The following SOX6 variants were observed in gnomAD, a reference collection of about 807,000 sequenced individuals.
SOX6 encodes the protein SRY-box transcription factor 6, also known as transcription factor SOX-6.
Under a neutral mutation model 97.8 loss-of-function variants are expected in SOX6, and 11 were observed. That is an observed-to-expected ratio of 0.11 (90% CI 0.07 to 0.19). The LOEUF is 0.19. SOX6 is among the 10% of genes least tolerant of loss of function. The pLI is 1.00. For synonymous variants in SOX6, 360 were observed against 371.4 expected (o/e 0.97, Z 0.35); for missense variants, 810 against 1,039.5 (o/e 0.78, Z 3.04).
chr11:16,659,070 A>G lies in SOX6; in HGVS notation n.430-46810T>C, dbSNP rs771008569. 6.8e-4 allele frequency among the ~76,000 whole-genome samples: 104 copies of G among 152,146 alleles called. 1 individual carries two copies. Among genetic ancestry groups the G allele is most frequent in the Non-Finnish European group, 1.2e-3 (81 of 68,022 alleles). ...AGTTCAGCTTAACAATTTTCCTCTC[A>G]TGGACTCTGCTTTTTGGTGCTGTAT... On this transcript the variant is annotated intron_variant and non_coding_transcript_variant, in intron 3 of 5. Coordinates refer to the SOX6 transcript ENST00000524520.
intron 13 of SOX6, among the ~76,000 whole-genome samples, chr11:16,001,393 T>C (rs1477975961): frequency 2.0e-5 from 3 of 152,144 alleles, no homozygotes; most frequent in Non-Finnish European, 4.4e-5. Flanking sequence ...ACCCACTTTA[T>C]GGATGAGGAA....
At chr11:16,445,359 A>G (rs2133090127) in intron 1 of SOX6, among the ~76,000 whole-genome samples, 1 of 152,250 alleles carries the variant, frequency 6.6e-6, no homozygotes, top group Non-Finnish European at 1.5e-5. Flanking sequence ...CTAATGCTTT[A>G]ATTTCTTGTT....
Position 16,610,336 on chromosome 11 carries a change from G to A in SOX6, n.609+1745C>T, listed in dbSNP as rs1427748279. Among the ~76,000 whole-genome samples the A allele has an allele frequency of 6.6e-6, 1 of 152,200 alleles. No homozygotes were observed. The highest frequency in any genetic ancestry group is 1.5e-5 in the Non-Finnish European group (1 of 68,034). On this transcript the variant is annotated intron_variant and non_coding_transcript_variant, in intron 4 of 5. Transcript: ENST00000524520. This position sits in a 1 kb window ranked among gnomAD's most constrained non-coding sequence, Gnocchi z 4.4. ...ATTAGGGACGGAAAGGCTGGAGCGC[G>A]ACTGGGTTCCTCCAATTTGCTGCGA...
chr11:16,687,156 A>G (rs1373842798), intron 3 of SOX6, among the ~76,000 whole-genome samples: 1 of 152,178 alleles, frequency 6.6e-6, no homozygotes, highest in East Asian at 1.9e-4. Context: ...CTTGAGACTG[A>G]GTAATTTAAA....
At chr11:16,650,015 C>T (rs2134012461) in intron 3 of SOX6, among the ~76,000 whole-genome samples, 1 of 152,062 alleles carries the variant, frequency 6.6e-6, no homozygotes, top group Non-Finnish European at 1.5e-5. Context: ...GGCTTTAAAG[C>T]AACAACAGTA....
rs543052968 is a variant in SOX6, at chr11:16,466,661, T to C, written c.-5+9654A>G. ...AACAAACAACTCCGGCCGGGCGCGG[T>C]GGCTCACGCCTGTAATCCCAGCACT... On this transcript the variant is annotated intron_variant, in intron 1 of 15. Transcript: ENST00000396356. Among the ~76,000 whole-genome samples, 5 of 148,934 alleles carry C rather than the reference T, an allele frequency of 3.4e-5. No homozygotes were observed. In the South Asian group the frequency reaches 1.0e-3, roughly 31 times the overall value.
At chr11:16,367,751 T>C (rs999472865) in intron 1 of SOX6, among the ~76,000 whole-genome samples, 2 of 152,138 alleles carry the variant, frequency 1.3e-5, no homozygotes, top group African/African-American at 4.8e-5. Context: ...ATGGCTAAAA[T>C]TTCCAAAGGA....
Position 15,998,791 on chromosome 11 carries a change from A to G in SOX6, c.1733-9561T>C, listed in dbSNP as rs180960285. 7.2e-4 allele frequency among the ~76,000 whole-genome samples: 109 copies of G among 152,260 alleles called. 1 individual carries two copies. The highest frequency in any genetic ancestry group is 1.2e-3 in the Non-Finnish European group (79 of 67,982). On this transcript the variant is annotated intron_variant, in intron 13 of 15. Transcript: ENST00000683767. The stretch of plus-strand genomic sequence containing the variant: ...ATACAACAATTAGAGATGAATCATG[A>G]CTTAAATCAAGAAAGAAAAAACTAT...
intron 3 of SOX6, among the ~76,000 whole-genome samples, chr11:16,672,161 A>G (rs1416638336): frequency 1.3e-5 from 2 of 152,204 alleles, no homozygotes; most frequent in Non-Finnish European, 2.9e-5. Context: ...CTAAATATAG[A>G]AAGGAAAGAA....
At chr11:15,999,200 T>C (rs1287124727) in intron 13 of SOX6, among the ~76,000 whole-genome samples, 1 of 152,266 alleles carries the variant, frequency 6.6e-6, no homozygotes, top group South Asian at 2.1e-4. Context: ...CACAATGAGA[T>C]GCATTTCACT....
intron 3 of SOX6, among the ~76,000 whole-genome samples, chr11:16,279,334 C>T (rs1275149658): frequency 6.6e-6 from 1 of 151,996 alleles, no homozygotes; most frequent in East Asian, 1.9e-4. Context: ...CTCATTTTAA[C>T]CTATACAAGG....
intron 11 of SOX6, 157 bp downstream of exon 11, chr11:16,049,598 A>G: frequency 1.2e-6 from 1 of 849,848 alleles, no homozygotes; most frequent in Non-Finnish European, 1.9e-6. Context: ...TTCTAATAAA[A>G]GAAGATACTA....
chr11:16,215,599 G>A (rs1262658444), intron 4 of SOX6, among the ~76,000 whole-genome samples: 4 of 152,084 alleles, frequency 2.6e-5, no homozygotes, highest in Non-Finnish European at 4.4e-5. Flanking sequence ...TTGCGTTGTA[G>A]ATCACATTAT....
chr11:16,346,472 A>T (rs773943298), intron 1 of SOX6, among the ~76,000 whole-genome samples: 14 of 152,030 alleles, frequency 9.2e-5, no homozygotes, highest in Non-Finnish European at 1.8e-4. Flanking sequence ...CTTTTAAAAC[A>T]TTCCTCAATT....
At chr11:16,394,701 G>A (rs1590183312) in intron 1 of SOX6, among the ~76,000 whole-genome samples, 1 of 151,796 alleles carries the variant, frequency 6.6e-6, no homozygotes, top group East Asian at 1.9e-4. Flanking sequence ...CCTTCCATGT[G>A]GTCTCATGGC....
chr11:16,464,087 C>T (rs1016098612), intron 1 of SOX6, among the ~76,000 whole-genome samples: 2 of 152,132 alleles, frequency 1.3e-5, no homozygotes, highest in South Asian at 4.1e-4. Context: ...TTAAAATTCT[C>T]CTTTTAAGAT....
At chr11:16,266,206 G>C (rs1322045332) in intron 3 of SOX6, among the ~76,000 whole-genome samples, 2 of 151,618 alleles carry the variant, frequency 1.3e-5, no homozygotes, top group South Asian at 2.1e-4. Context: ...TATTGTAGAG[G>C]AACTAAAATC....
intron 13 of SOX6, among the ~76,000 whole-genome samples, chr11:16,009,043 A>C (rs1245475979): frequency 6.6e-6 from 1 of 152,042 alleles, no homozygotes; most frequent in Non-Finnish European, 1.5e-5. Context: ...ATGGAAAGCC[A>C]GACCCATATG....
At chr11:16,348,272 T>G (rs1448169608) in intron 1 of SOX6, among the ~76,000 whole-genome samples, 1 of 152,132 alleles carries the variant, frequency 6.6e-6, no homozygotes, top group Non-Finnish European at 1.5e-5. Context: ...GTACTGTGAG[T>G]TAGTGTTACC....
Sources: gnomAD v4.1 joint callset for allele counts (sites outside exome capture counted in the v4.1 genomes callset) on GRCh38, gnomAD v4.1.1 for gene constraint, Gnocchi (gnomAD v3.1) non-coding constraint, MANE v1.5 for transcripts, NCBI Gene and HGNC (gene_info 2026-07-23, HGNC 2026-07-21) for gene names.